Variants in MYRFL observed in about 807,000 individuals in gnomAD.
MYRFL encodes the protein myelin regulatory factor-like protein.
Under a neutral mutation model 109.4 loss-of-function variants are expected in MYRFL, and 88 were observed. The observed-to-expected ratio is 0.80, with a 90% CI of 0.68 to 0.96. The LOEUF (loss-of-function observed/expected upper bound fraction) is 0.96, where lower values mean the gene tolerates loss of function less well. MYRFL is among the 40% of genes least tolerant of loss of function. The pLI is 0.00. For synonymous variants in MYRFL, 324 were observed against 320.9 expected (o/e 1.01, Z -0.10); for missense variants, 957 against 954.9 (o/e 1.00, Z -0.03).
intron 19 of MYRFL, 61 bp from the exon 20 acceptor site, chr12:69,952,052 T>G (rs941685550): frequency 4.3e-6 from 6 of 1,406,832 alleles, no homozygotes; most frequent in Non-Finnish European, 5.8e-6. Flanking sequence ...AGGTCACACA[T>G]GGGGTTTCTT....
intron 13 of MYRFL, among the ~76,000 whole-genome samples, chr12:69,924,464 T>G (rs1019758453): frequency 5.9e-5 from 9 of 152,196 alleles, no homozygotes; most frequent in African/African-American, 2.2e-4. Flanking sequence ...TACAGTTGCA[T>G]AGTATACTGC....
Position 69,936,295 on chromosome 12 carries a change from C to T in MYRFL, c.2004C>T (p.Ser668=). 1 of 1,536,162 alleles carries T rather than the reference C, an allele frequency of 6.5e-7. No individual in the cohort carries two copies. Among genetic ancestry groups the T allele is most frequent in the Non-Finnish European group, 8.7e-7 (1 of 1,146,904 alleles). The change falls in exon 18 of 25, where the codon AGC becomes AGT. Residue 668 remains serine (S), a synonymous_variant. Coordinates refer to ENST00000552032, the MANE Select transcript of MYRFL (RefSeq NM_182530.3). ...VPNLPPSNIT[S]SQEPALLPTA... ...TCTTTTTCTCCAGCAATATCACAAG[C>T]TCACAGGAGCCAGCTCTGCTGCCCA...
intron 5 of MYRFL, among the ~76,000 whole-genome samples, chr12:69,882,101 C>G (rs1054057037): frequency 6.6e-6 from 1 of 152,136 alleles, no homozygotes; most frequent in African/African-American, 2.4e-5. Context: ...TGCTGCCTGT[C>G]CCAGAAAGGT....
intron 19 of MYRFL, among the ~76,000 whole-genome samples, chr12:69,945,545 T>G (rs1955806195): frequency 6.6e-6 from 1 of 152,182 alleles, no homozygotes. Context: ...AAGTACACTT[T>G]GTGATGTTTG....
intron 6 of MYRFL, 121 bp from the exon 7 acceptor site, chr12:69,890,850 T>C: frequency 1.5e-6 from 1 of 658,262 alleles, no homozygotes; most frequent in Non-Finnish European, 2.2e-6. Context: ...ATTGATTAAA[T>C]ATAGCAAAAG....
intron 13 of MYRFL, among the ~76,000 whole-genome samples, chr12:69,923,575 A>G (rs768547212): frequency 4.6e-5 from 7 of 152,098 alleles, no homozygotes; most frequent in Admixed American, 1.3e-4. Flanking sequence ...TTAACTATGT[A>G]TTTGTTTTAT....
At chr12:69,876,612 T>G (rs1335126603) in intron 2 of MYRFL, among the ~76,000 whole-genome samples, 1 of 152,232 alleles carries the variant, frequency 6.6e-6, no homozygotes, top group East Asian at 1.9e-4. Flanking sequence ...AAGTTCTGTG[T>G]GCAAACCATT....
chr12:69,958,117 C>A, intron 23 of MYRFL, 132 bp from the exon 24 acceptor site: 2 of 1,157,028 alleles, frequency 1.7e-6, no homozygotes, highest in Non-Finnish European at 2.4e-6. Flanking sequence ...ACTGTTCTAG[C>A]AACACCCATC....
Position 69,932,862 on chromosome 12 carries a change from CGTGT to C in MYRFL, c.1916+281_1916+284del, listed in dbSNP as rs3970822. Among the ~76,000 whole-genome samples, 14 of 149,460 alleles carry C rather than the reference CGTGT, an allele frequency of 9.4e-5. No individual in the cohort carries two copies. In the East Asian group the frequency reaches 1.6e-3, roughly 17 times the overall value. On this transcript the variant is annotated intron_variant, in intron 16 of 24. Transcript: ENST00000552032. ...ATGTTTAGCAGCAAACTGTGCCTTT[CGTGT>C]GTGTGTGTGTGTGTGTTTGTGTGTG...
chr12:69,909,960 T>C lies in MYRFL; in HGVS notation c.1384-9T>C. The C allele has an allele frequency of 3.3e-6, 5 of 1,515,880 alleles. No homozygotes were observed. Among genetic ancestry groups the C allele is most frequent in the Non-Finnish European group, 4.4e-6 (5 of 1,138,368 alleles). The allele number at this position is 1,515,880 out of a possible 1,614,324, so 93.9% of individuals were successfully genotyped here. ...GCGAGTAAAATCTGCTCTTCTTTAA[T>C]TAAATTAGGTTGACACGAATGAACA... On this transcript the variant is annotated splice_polypyrimidine_tract_variant and intron_variant, in intron 11 of 24. Transcript: ENST00000552032.
intron 1 of MYRFL, among the ~76,000 whole-genome samples, chr12:69,840,191 G>T (rs1883165440): frequency 6.6e-6 from 1 of 152,140 alleles, no homozygotes; most frequent in African/African-American, 2.4e-5. Flanking sequence ...CTACTATATT[G>T]TACCTTGCCC....
intron 2 of MYRFL, among the ~76,000 whole-genome samples, chr12:69,875,089 C>T (rs1197961025): frequency 6.8e-6 from 1 of 148,112 alleles, no homozygotes; most frequent in Non-Finnish European, 1.5e-5. Flanking sequence ...ACATTTATAT[C>T]TTTTCCTAAA....
At chr12:69,864,882 A>G (rs1884923957) in intron 2 of MYRFL, among the ~76,000 whole-genome samples, 1 of 152,200 alleles carries the variant, frequency 6.6e-6, no homozygotes, top group Non-Finnish European at 1.5e-5. Context: ...CAACCTGCCA[A>G]AAGTTGTATG....
intron 1 of MYRFL, among the ~76,000 whole-genome samples, chr12:69,845,194 T>C (rs1368011114): frequency 2.0e-5 from 3 of 152,206 alleles, no homozygotes; most frequent in African/African-American, 7.2e-5. Flanking sequence ...ATTTTTTATA[T>C]GTTATATGTG....
At chr12:69,900,478 C>T (rs931038692) in intron 10 of MYRFL, among the ~76,000 whole-genome samples, 1 of 152,150 alleles carries the variant, frequency 6.6e-6, no homozygotes, top group Non-Finnish European at 1.5e-5. Context: ...AACACAGATA[C>T]CTGTGTTTTT....
intron 5 of MYRFL, 135 bp downstream of exon 5, chr12:69,880,427 T>C: frequency 1.7e-6 from 1 of 576,994 alleles, no homozygotes; most frequent in Non-Finnish European, 3.1e-6. Context: ...TCTGGTAGTT[T>C]GGTTCTTCCC....
chr12:69,895,449 G>A lies in MYRFL; in HGVS notation c.1059G>A (p.Met353Ile). The A allele has an allele frequency of 6.5e-7, 1 of 1,535,376 alleles. No homozygotes were observed. Among genetic ancestry groups the A allele is most frequent in the South Asian group, 1.2e-5 (1 of 84,042 alleles). ...TCAGCGAAACCACAGCAAATAATAT[G>A]AGAAAAAAGGGAAAACCAAATCCAG... ...LHFSETTANN[M>I]RKKGKPNPDQ... Residue 353 changes from methionine to isoleucine, a missense_variant, in exon 9 of 25, where the codon ATG (methionine) becomes ATA (isoleucine). Met to Ile is a conservative substitution (Grantham distance 10). Transcript: ENST00000552032.
chr12:69,928,376 T>C (rs1222737444), intron 15 of MYRFL, among the ~76,000 whole-genome samples: 1 of 152,222 alleles, frequency 6.6e-6, no homozygotes, highest in African/African-American at 2.4e-5. Flanking sequence ...ACTTTGTAAG[T>C]AGCTACAAAA....
In MYRFL at chr12:69,886,192, G is replaced by A. The variant is rs1163675780; in HGVS notation, c.557-628G>A. Among the ~76,000 whole-genome samples, 3 of 152,142 alleles carry A rather than the reference G, an allele frequency of 2.0e-5. No homozygotes were observed. In the East Asian group the frequency reaches 5.8e-4, roughly 29 times the overall value. On this transcript the variant is annotated intron_variant, in intron 5 of 24. Coordinates refer to ENST00000552032, the MANE Select transcript of MYRFL (RefSeq NM_182530.3). ...GGGAACTATTGGCTCCTGTTAACGC[G>A]AGGGTTTAGAATTGGGTCCCAGAAC...
Sources: allele counts gnomAD v4.1 joint callset (sites outside exome capture counted in the v4.1 genomes callset), GRCh38; gene constraint gnomAD v4.1.1; transcripts MANE v1.5; gene names NCBI Gene and HGNC (gene_info 2026-07-23, HGNC 2026-07-21).